The following EXT2 variants were observed in gnomAD, a reference collection of about 807,000 sequenced individuals.
EXT2 encodes the protein exostosin glycosyltransferase 2.
A neutral mutation model predicts 81.6 loss-of-function variants in EXT2; 53 were observed. The observed-to-expected ratio is 0.65, with a 90% CI of 0.52 to 0.82. EXT2 has a LOEUF of 0.82. Among genes scored for constraint, EXT2 ranks in the 40% least tolerant of loss-of-function variants. The pLI, the probability that EXT2 is intolerant of heterozygous loss-of-function variation, is 0.00. For synonymous variants in EXT2, 320 were observed against 340.0 expected (o/e 0.94, Z 0.65); for missense variants, 774 against 910.2 (o/e 0.85, Z 1.93).
intron 4 of EXT2, among the ~76,000 whole-genome samples, chr11:44,121,402 T>C (rs1161638870): frequency 2.0e-5 from 3 of 152,250 alleles, no homozygotes; most frequent in Non-Finnish European, 4.4e-5. Context: ...TTGAAAACCA[T>C]GCATTCATCT....
In EXT2 at chr11:44,108,066, T is replaced by C. The variant is rs1176161641; in HGVS notation, c.354T>C (p.Phe118=). 2.5e-6 allele frequency: 4 copies of C among 1,614,078 alleles called. No individual in the cohort carries two copies. Among genetic ancestry groups the C allele is most frequent in the East Asian group, 4.5e-5 (2 of 44,894 alleles). ...IYALKKYVDD[F]GVSVSNTISR... ...CTCTGAAAAAGTACGTGGATGACTT[T>C]GGCGTCTCTGTCAGCAACACCATCT... The change falls in exon 2 of 14, where the codon TTT becomes TTC. Residue 118 remains phenylalanine, a synonymous_variant. Transcript: ENST00000533608.
chr11:44,111,253 A>T (rs1954137885), intron 3 of EXT2, among the ~76,000 whole-genome samples: 3 of 151,580 alleles, frequency 2.0e-5, no homozygotes, highest in Admixed American at 1.3e-4. Flanking sequence ...TCTTTCAATT[A>T]AAAAAAAATC....
intron 8 of EXT2, among the ~76,000 whole-genome samples, chr11:44,185,381 T>C (rs1955296761): frequency 6.6e-6 from 1 of 152,196 alleles, no homozygotes; most frequent in South Asian, 2.1e-4. Context: ...TTTTGTTCTA[T>C]TTTATACTAC....
chr11:44,146,038 A>G (rs987741788), intron 7 of EXT2, among the ~76,000 whole-genome samples: 1 of 152,234 alleles, frequency 6.6e-6, no homozygotes, highest in African/African-American at 2.4e-5. Flanking sequence ...CTGGAAGCCC[A>G]AGATCAACGA....
At chr11:44,099,751 G>A (rs1953955838) in intron 1 of EXT2, among the ~76,000 whole-genome samples, 1 of 152,236 alleles carries the variant, frequency 6.6e-6, no homozygotes, top group South Asian at 2.1e-4. Context: ...ATAAAATGTG[G>A]CAAGTGCTAG....
At position 44,244,212 on chromosome 11, in the gene EXT2, C is replaced by G; in HGVS notation, c.2082C>G (p.His694Gln). 1 of 1,613,944 alleles carries G rather than the reference C, an allele frequency of 6.2e-7. No individual in the cohort carries two copies. Among genetic ancestry groups the G allele is most frequent in the Non-Finnish European group, 8.5e-7 (1 of 1,179,860 alleles). ...FGTMPLKVVE[H>Q]RADPVLYKDD... Reference sequence around the variant, plus strand: ...CCATGCCTCTCAAGGTGGTGGAACACCGAGCTGACCCTGTCCTGTACAAAG... The same window carrying G: ...CCATGCCTCTCAAGGTGGTGGAACAGCGAGCTGACCCTGTCCTGTACAAAG... Residue 694 changes from histidine (H) to glutamine (Q), a missense_variant, in exon 14 of 14, where the codon CAC (histidine) becomes CAG (glutamine). His to Gln is a conservative substitution (Grantham distance 24). Coordinates refer to ENST00000533608, the MANE Select transcript of EXT2 (RefSeq NM_207122.2).
intron 8 of EXT2, among the ~76,000 whole-genome samples, chr11:44,197,154 C>G (rs1489308169): frequency 6.6e-6 from 1 of 152,152 alleles, no homozygotes; most frequent in Non-Finnish European, 1.5e-5. Flanking sequence ...GAGGAAACCT[C>G]CCTTCTCTAG....
intron 1 of EXT2, among the ~76,000 whole-genome samples, chr11:44,104,144 G>A (rs1954022602): frequency 6.6e-6 from 1 of 152,002 alleles, no homozygotes; most frequent in Admixed American, 6.6e-5. Context: ...GTCATACATA[G>A]AAGCTATTTT....
intron 8 of EXT2, among the ~76,000 whole-genome samples, chr11:44,196,331 C>T (rs76495818): frequency 6.6e-6 from 1 of 152,040 alleles, no homozygotes; most frequent in Non-Finnish European, 1.5e-5. Flanking sequence ...AAAAAATTCA[C>T]TGTGCTGCTT....
intron 1 of EXT2, among the ~76,000 whole-genome samples, chr11:44,099,256 G>T (rs7928476): frequency 0.27 from 40,303 of 152,032 alleles, 6,298 homozygotes; most frequent in Admixed American, 0.44. Context: ...CGCGATCTCG[G>T]TTCACTGCAA....
chr11:44,142,438 G>T (rs1029821969), intron 7 of EXT2, among the ~76,000 whole-genome samples: 1 of 152,168 alleles, frequency 6.6e-6, no homozygotes, highest in Non-Finnish European at 1.5e-5. Flanking sequence ...AGGCTAATTT[G>T]TTATATTTCA....
At chr11:44,204,486 G>A (rs1042081419) in intron 9 of EXT2, among the ~76,000 whole-genome samples, 19 of 152,088 alleles carry the variant, frequency 1.2e-4, no homozygotes, top group Non-Finnish European at 1.6e-4. Context: ...GAAAACCACC[G>A]GTCTGGTAGG....
chr11:44,120,588 G>C (rs1041577872), intron 4 of EXT2, among the ~76,000 whole-genome samples: 5 of 152,244 alleles, frequency 3.3e-5, no homozygotes, highest in African/African-American at 1.2e-4. Flanking sequence ...GAGAAGGCAG[G>C]GTGGGCCATC....
intron 1 of EXT2, among the ~76,000 whole-genome samples, chr11:44,102,391 C>G (rs1448241020): frequency 6.6e-6 from 1 of 151,994 alleles, no homozygotes; most frequent in Non-Finnish European, 1.5e-5. Flanking sequence ...GCCCCTGTTG[C>G]CCACTGCAGT....
chr11:44,163,112 T>G (rs1954948981), intron 7 of EXT2, among the ~76,000 whole-genome samples: 1 of 152,180 alleles, frequency 6.6e-6, no homozygotes, highest in Non-Finnish European at 1.5e-5. Context: ...CTGGAGAAAC[T>G]GGTAACATGG....
intron 7 of EXT2, chr11:44,144,474 G>A (rs1423472717): frequency 1.3e-6 from 1 of 761,786 alleles, no homozygotes; most frequent in South Asian, 1.8e-5. Flanking sequence ...GCTCTTGGAG[G>A]TGCAAGCCAC....
rs921598209 is a variant in EXT2 at position 44,109,241 on chromosome 11, G to T, written c.584G>T (p.Gly195Val). The T allele has an allele frequency of 6.2e-7, 1 of 1,613,958 alleles. No individual in the cohort carries two copies. The highest frequency in any genetic ancestry group is 1.3e-5 in the African/African-American group (1 of 74,914). ...CTGTTGTTCAACATGTTGCCTGGAG[G>T]TCCCCCAGATTATAACACAGCCCTG... ...NHLLFNMLPGGPPDYNTALDV... is the reference protein window; with the variant it reads ...NHLLFNMLPGVPPDYNTALDV... Residue 195 changes from glycine to valine, a missense_variant, in exon 3 of 14, where the codon GGT becomes GTT. Around this residue, in one of 2 missense-constraint regions of EXT2, gnomAD observed 626 missense variants for 670.5 expected, o/e 0.93. Coordinates refer to ENST00000533608, the MANE Select transcript of EXT2 (RefSeq NM_207122.2).
rs1291889026 is a variant in EXT2, at chr11:44,250,904, T to G, written c.*6617T>G. 2.0e-5 allele frequency among the ~76,000 whole-genome samples: 3 copies of G among 152,222 alleles called. No homozygotes were observed. The highest frequency in any genetic ancestry group is 2.9e-5 in the Non-Finnish European group (2 of 68,040). Reference sequence around the variant, plus strand: ...AAAGTTATGTTTCTCATTAAGGGGATAACAGCCACAATTGAGGTAATTAAC... The same window carrying G: ...AAAGTTATGTTTCTCATTAAGGGGAGAACAGCCACAATTGAGGTAATTAAC... On this transcript the variant is annotated 3_prime_UTR_variant, in exon 14 of 14. Transcript: ENST00000533608.
At chr11:44,150,912 T>C (rs1330221108) in intron 7 of EXT2, among the ~76,000 whole-genome samples, 3 of 152,206 alleles carry the variant, frequency 2.0e-5, no homozygotes, top group Admixed American at 6.5e-5. Flanking sequence ...AGAGAGTTTT[T>C]GATCTGTCTG....
Sources: allele counts gnomAD v4.1 joint callset (sites outside exome capture counted in the v4.1 genomes callset), GRCh38; gene constraint gnomAD v4.1.1; regional missense constraint gnomAD v4.1.1; transcripts MANE v1.5; gene names NCBI Gene and HGNC (gene_info 2026-07-23, HGNC 2026-07-21).